Variants in DST observed in about 807,000 individuals in gnomAD.
The protein encoded by DST is dystonin.
Under a neutral mutation model 875.2 loss-of-function variants are expected in DST, and 253 were observed. The ratio of observed to expected loss-of-function variants is 0.29; its 90% CI spans 0.26 to 0.32. The LOEUF (loss-of-function observed/expected upper bound fraction) is 0.32. DST is among the 10% of genes least tolerant of loss of function. DST has a pLI of 1.00. For missense variants in DST, 8,287 were observed against 9,111.6 expected (o/e 0.91, Z 3.68); for synonymous variants, 3,124 against 3,197.1 (o/e 0.98, Z 0.77).
chr6:56,511,501 A>C, intron 72 of DST, 101 bp from the exon 73 acceptor site: 1 of 914,078 alleles, frequency 1.1e-6, no homozygotes, highest in Non-Finnish European at 1.7e-6. Context: ...ACTCCAAACA[A>C]ACCCCTCCCC....
intron 59 of DST, among the ~76,000 whole-genome samples, chr6:56,556,616 T>C (rs2097423385): frequency 6.6e-6 from 1 of 152,220 alleles, no homozygotes; most frequent in South Asian, 2.1e-4. Context: ...TTATTTGAAT[T>C]TTCAGCTTAT....
intron 78 of DST, among the ~76,000 whole-genome samples, chr6:56,503,003 G>A (rs2096186539): frequency 1.3e-5 from 2 of 152,092 alleles, no homozygotes; most frequent in South Asian, 2.1e-4. Flanking sequence ...TTTCACATCT[G>A]CAGATCAAGA....
chr6:56,586,750 CACGAA>C (rs1295130406), intron 49 of DST, among the ~76,000 whole-genome samples: 3 of 152,162 alleles, frequency 2.0e-5, no homozygotes, highest in Non-Finnish European at 2.9e-5. Flanking sequence ...ATTCGCGGTT[CACGAA>C]AATCCGCTCT....
chr6:56,838,575 G>A (rs193181581), intron 4 of DST, among the ~76,000 whole-genome samples: 1 of 151,800 alleles, frequency 6.6e-6, no homozygotes, highest in African/African-American at 2.4e-5. Context: ...AAAAAACCTA[G>A]AAGTTTTAAA....
chr6:56,851,949 C>T, intron 3 of DST: 2 of 1,501,486 alleles, frequency 1.3e-6, no homozygotes, highest in Non-Finnish European at 8.9e-7. Flanking sequence ...CTGTTACAAA[C>T]CTATAGTATT....
rs1388459293 is a variant in DST, at chr6:56,703,884, A to C, written c.778-138T>G. 3 of 166,810 alleles carry C rather than the reference A, an allele frequency of 1.8e-5. No homozygotes were observed. In the East Asian group the frequency reaches 5.7e-4, roughly 32 times the overall value. 10.3% of individuals were successfully genotyped at this position (166,810 alleles called of 1,614,324 possible). ...AGTAATGTTCACCAAAAAAAAAAAAAAAATGACACCTGCGGAATGGGTTAG... is the reference window on the plus strand; with the variant it reads ...AGTAATGTTCACCAAAAAAAAAAAACAAATGACACCTGCGGAATGGGTTAG... On this transcript the variant is annotated intron_variant, in intron 6 of 103. Transcript: ENST00000680361.
At chr6:56,775,085 T>TA (rs2099675967) in intron 4 of DST, among the ~76,000 whole-genome samples, 1 of 150,928 alleles carries the variant, frequency 6.6e-6, no homozygotes, top group African/African-American at 2.4e-5. Context: ...ACAGCTTCAA[T>TA]AGTAGAGTGT....
chr6:56,832,474 C>A (rs2099788290), intron 4 of DST, among the ~76,000 whole-genome samples: 1 of 152,106 alleles, frequency 6.6e-6, no homozygotes, highest in African/African-American at 2.4e-5. Context: ...TGCCTTCCAC[C>A]ATGATTGTGA....
intron 9 of DST, among the ~76,000 whole-genome samples, chr6:56,687,584 G>T (rs1263721710): frequency 2.0e-5 from 3 of 152,054 alleles, no homozygotes; most frequent in Admixed American, 6.6e-5. Context: ...GTGTAAGAGG[G>T]TATTATATTT....
At chr6:56,720,529 A>G (rs898678747) in intron 5 of DST, among the ~76,000 whole-genome samples, 1 of 152,006 alleles carries the variant, frequency 6.6e-6, no homozygotes, top group African/African-American at 2.4e-5. Flanking sequence ...GTCCCTGGGT[A>G]CTTGAGATTA....
At chr6:56,671,553 T>C (rs147774955) in intron 9 of DST, among the ~76,000 whole-genome samples, 189 of 152,354 alleles carry the variant, frequency 1.2e-3, no homozygotes, top group African/African-American at 4.3e-3. Flanking sequence ...CACTGAATAA[T>C]GATAAAACAA....
At chr6:56,597,674 G>C (rs899307973) in intron 47 of DST, 66 bp downstream of exon 47, 2 of 1,515,026 alleles carry the variant, frequency 1.3e-6, no homozygotes, top group Non-Finnish European at 1.8e-6. Context: ...TCATGTGCTA[G>C]GTTATTTCTC....
intron 5 of DST, among the ~76,000 whole-genome samples, chr6:56,727,043 G>A (rs2099463834): frequency 6.6e-6 from 1 of 152,148 alleles, no homozygotes; most frequent in South Asian, 2.1e-4. Context: ...AAGCTAAAGG[G>A]AAAAGTCAAG....
chr6:56,578,309 AGGCTGC>A (rs2097906520), intron 50 of DST, among the ~76,000 whole-genome samples: 1 of 152,194 alleles, frequency 6.6e-6, no homozygotes, highest in Admixed American at 6.5e-5. Flanking sequence ...CAGGAAGTCA[AGGCTGC>A]AGTGAGACAT....
intron 69 of DST, among the ~76,000 whole-genome samples, chr6:56,519,654 G>A (rs2096658942): frequency 6.6e-6 from 1 of 152,118 alleles, no homozygotes; most frequent in Non-Finnish European, 1.5e-5. Flanking sequence ...AGACCACATA[G>A]GGAGCTGGAA....
At chr6:56,872,827 C>G (rs1250075970) in intron 3 of DST, among the ~76,000 whole-genome samples, 1 of 136,914 alleles carries the variant, frequency 7.3e-6, no homozygotes, top group South Asian at 2.4e-4. Flanking sequence ...CTGATTCCCC[C>G]CCCCCTTTTT....
At position 56,631,910 on chromosome 6, in the gene DST, T is replaced by C. The variant is rs762518458; in HGVS notation, c.3936A>G (p.Glu1312=). 4 of 1,613,938 alleles carry C rather than the reference T, an allele frequency of 2.5e-6. No homozygotes were observed. The Admixed American group carries it at 6.7e-5, about 27-fold the overall frequency. Residue 1312 remains glutamate, a synonymous_variant, in exon 29 of 104, where the codon GAA becomes GAG. Transcript: ENST00000680361. ...RTPLERDDLH[E]SVFRITEQEK... is the part of the protein sequence containing the mutation. ...CCTGTTCTGTGATTCTGAACACACT[T>C]TCATGCAAATCATCTCTTTCCAGGG... is the stretch of plus-strand genomic sequence containing the variant.
intron 38 of DST, 100 bp from the exon 39 acceptor site, chr6:56,610,662 T>G (rs1586570031): frequency 1.0e-6 from 1 of 968,936 alleles, no homozygotes; most frequent in East Asian, 2.7e-5. Context: ...TAAAATAAAA[T>G]ATAGCCTCAC....
intron 47 of DST, among the ~76,000 whole-genome samples, chr6:56,597,015 G>A (rs928555784): frequency 2.0e-5 from 3 of 152,076 alleles, no homozygotes; most frequent in African/African-American, 7.2e-5. Flanking sequence ...GGATGTGGGC[G>A]GAATGCTTGA....
Sources: allele counts gnomAD v4.1 joint callset (sites outside exome capture counted in the v4.1 genomes callset), GRCh38; gene constraint gnomAD v4.1.1; transcripts MANE v1.5; gene names NCBI Gene and HGNC (gene_info 2026-07-23, HGNC 2026-07-21).